Variants in KIF21A observed in about 807,000 individuals in gnomAD.
KIF21A encodes the protein kinesin family member 21A, also known as kinesin-like protein KIF21A.
KIF21A carries 114 observed loss-of-function variants against 202.9 expected under a neutral mutation model. The observed-to-expected ratio is 0.56, with a 90% CI of 0.48 to 0.66. KIF21A has a LOEUF of 0.66. Ranked by LOEUF, KIF21A falls within the 30% of genes least tolerant of loss-of-function variation. KIF21A has a pLI of 0.00. For synonymous variants in KIF21A, 667 were observed against 670.8 expected, an observed-to-expected ratio of 0.99 and a Z score of 0.09; for missense variants, 1,677 against 1,994.9, an observed-to-expected ratio of 0.84 and a Z score of 3.04.
chr12:39,395,857 A>AAG (rs1951706771), intron 1 of KIF21A, among the ~76,000 whole-genome samples: 1 of 149,542 alleles, frequency 6.7e-6, no homozygotes, highest in African/African-American at 2.5e-5. Flanking sequence ...AAAAAAAAAA[A>AAG]AAGAAGAAGA....
chr12:39,396,839 C>T (rs559492774), intron 1 of KIF21A, among the ~76,000 whole-genome samples: 3 of 152,192 alleles, frequency 2.0e-5, no homozygotes, highest in South Asian at 2.1e-4. Flanking sequence ...GAATGAAGTG[C>T]GGTATAACCA....
At chr12:39,378,986 T>C (rs564295335) in intron 1 of KIF21A, among the ~76,000 whole-genome samples, 7 of 152,146 alleles carry the variant, frequency 4.6e-5, no homozygotes, top group Non-Finnish European at 4.4e-5. Context: ...TTGAGGTGCA[T>C]TTGTTCCCTG....
At chr12:39,408,967 G>A (rs191214934) in intron 1 of KIF21A, among the ~76,000 whole-genome samples, 86 of 151,922 alleles carry the variant, frequency 5.7e-4, no homozygotes, top group Admixed American at 3.5e-3. Context: ...CCACAGGTGC[G>A]TGCCACCACG....
chr12:39,334,216 A>G (rs922025821), intron 17 of KIF21A, among the ~76,000 whole-genome samples: 5 of 150,794 alleles, frequency 3.3e-5, no homozygotes, highest in Non-Finnish European at 7.4e-5. Flanking sequence ...AAAAAAAAAA[A>G]AAAAGAAAGA....
chr12:39,344,654 A>C (rs1403480432), intron 12 of KIF21A, among the ~76,000 whole-genome samples: 1 of 152,152 alleles, frequency 6.6e-6, no homozygotes, highest in Non-Finnish European at 1.5e-5. Flanking sequence ...CATTCGTGCC[A>C]CTTCTGATGT....
At chr12:39,408,096 G>GA (rs999429086) in intron 1 of KIF21A, among the ~76,000 whole-genome samples, 1 of 151,672 alleles carries the variant, frequency 6.6e-6, no homozygotes, top group South Asian at 2.1e-4. Context: ...GAATGGAGAA[G>GA]AAAAAAATAT....
intron 1 of KIF21A, among the ~76,000 whole-genome samples, chr12:39,410,148 T>C (rs1216053882): frequency 2.0e-5 from 3 of 152,086 alleles, no homozygotes; most frequent in African/African-American, 7.2e-5. Context: ...ACTTTCAAGA[T>C]GCAAGAAGGG....
In KIF21A at chr12:39,296,392, C is replaced by A. The variant is rs12367902; in HGVS notation, c.4932-1875G>T. On this transcript the variant is annotated intron_variant, in intron 37 of 37. Coordinates refer to ENST00000361418, the MANE Select transcript of KIF21A (RefSeq NM_001173464.2). Reference sequence around the variant, plus strand: ...CCAGGATATGCTGTTTTAAAAAAAACAAAAATAAAATTTAAAAGCTCAAAT... The same window carrying A: ...CCAGGATATGCTGTTTTAAAAAAAAAAAAAATAAAATTTAAAAGCTCAAAT... 2.6e-3 allele frequency among the ~76,000 whole-genome samples: 393 copies of A among 151,972 alleles called. 3 individuals are homozygous for A. Among genetic ancestry groups the A allele is most frequent in the African/African-American group, 8.6e-3 (358 of 41,424 alleles).
At chr12:39,341,671 C>A (rs1947454833) in intron 13 of KIF21A, 49 bp from the exon 14 acceptor site, 3 of 1,548,890 alleles carry the variant, frequency 1.9e-6, no homozygotes, top group East Asian at 4.8e-5. Flanking sequence ...GCAAAACAAA[C>A]TGACTCCCTC....
In KIF21A at chr12:39,369,954, T is replaced by C. The variant is rs1339530599; in HGVS notation, c.268-43A>G. The C allele has an allele frequency of 3.1e-6, 5 of 1,599,974 alleles. No homozygotes were observed. In the African/African-American group the frequency reaches 5.4e-5, roughly 17 times the overall value. On this transcript the variant is annotated intron_variant, in intron 2 of 37. Coordinates refer to ENST00000361418, the MANE Select transcript of KIF21A (RefSeq NM_001173464.2). ...GAAAGATTAGTGTTCAACCTTAACA[T>C]AACCTTAAGAAACAAAAATGAAAGC...
rs1947037638 is a variant in KIF21A, at chr12:39,337,043, A to G, written c.2418+53T>C. 6.4e-6 allele frequency: 8 copies of G among 1,259,240 alleles called. No homozygotes were observed. The Admixed American group carries it at 6.8e-5, about 11-fold the overall frequency. The allele number at this position is 1,259,240 out of a possible 1,614,324, so 78.0% of individuals were successfully genotyped here. A position where few individuals can be genotyped will look rare whatever the true frequency, so the allele number is the denominator to read the frequency against. On this transcript the variant is annotated intron_variant, in intron 17 of 37. Transcript: ENST00000361418. ...AAATTTTTCCTCCATTTATTAAACA[A>G]TCTTTTTCAACGTACAATTTTCTTA...
At chr12:39,373,879 T>G (rs1950112607) in intron 1 of KIF21A, among the ~76,000 whole-genome samples, 1 of 152,198 alleles carries the variant, frequency 6.6e-6, no homozygotes, top group African/African-American at 2.4e-5. Flanking sequence ...TTCATCCATT[T>G]GCATGGGTGA....
At position 39,410,084 on chromosome 12, in the gene KIF21A, T is replaced by A. The variant is rs974531115; in HGVS notation, c.44+32843A>T. ...GACCTCAGGTGATCTGCCCGCCTTA[T>A]CCTCCCAAAGTGCTGGGATTACAGG... On this transcript the variant is annotated intron_variant, in intron 1 of 37. Coordinates refer to ENST00000361418, the MANE Select transcript of KIF21A (RefSeq NM_001173464.2). 5.3e-5 allele frequency among the ~76,000 whole-genome samples: 8 copies of A among 151,996 alleles called. No homozygotes were observed. The East Asian group carries it at 1.5e-3, about 29-fold the overall frequency.
chr12:39,347,064 A>G (rs1947958098), intron 11 of KIF21A, among the ~76,000 whole-genome samples: 1 of 151,900 alleles, frequency 6.6e-6, no homozygotes, highest in Non-Finnish European at 1.5e-5. Context: ...AAAAAATCTG[A>G]TTTCAAAGTT....
intron 34 of KIF21A, 115 bp from the exon 35 acceptor site, chr12:39,305,053 T>C (rs1179662816): frequency 7.5e-6 from 5 of 669,658 alleles, no homozygotes; most frequent in Non-Finnish European, 1.3e-5. Context: ...ACTTTTTTTT[T>C]TCTTTGTATA....
chr12:39,316,996 A>T (rs908155200), intron 29 of KIF21A, among the ~76,000 whole-genome samples: 2 of 152,216 alleles, frequency 1.3e-5, no homozygotes, highest in African/African-American at 4.8e-5. Context: ...GTGAAACTTG[A>T]CTTCCCAAAA....
chr12:39,436,523 C>A (rs1938804947), intron 1 of KIF21A, among the ~76,000 whole-genome samples: 2 of 143,232 alleles, frequency 1.4e-5, no homozygotes, highest in South Asian at 4.5e-4. Context: ...GTGATCACAG[C>A]ACACTGCAGC....
At chr12:39,375,251 G>C (rs1950198499) in intron 1 of KIF21A, among the ~76,000 whole-genome samples, 1 of 152,120 alleles carries the variant, frequency 6.6e-6, no homozygotes, top group Admixed American at 6.6e-5. Flanking sequence ...TTGGGGGAAA[G>C]GCTTATACTT....
chr12:39,416,571 G>C (rs965057063), intron 1 of KIF21A, among the ~76,000 whole-genome samples: 30 of 149,556 alleles, frequency 2.0e-4, no homozygotes, highest in African/African-American at 6.6e-4. Flanking sequence ...ACTCCAGCCT[G>C]GGTGACAGAG....
Sources: allele counts gnomAD v4.1 joint callset (sites outside exome capture counted in the v4.1 genomes callset), GRCh38; gene constraint gnomAD v4.1.1; transcripts MANE v1.5; gene names NCBI Gene and HGNC (gene_info 2026-07-23, HGNC 2026-07-21).